Variants in ARHGAP15 observed in about 807,000 individuals in gnomAD.
The protein encoded by ARHGAP15 is rho GTPase-activating protein 15.
In ARHGAP15, 51 loss-of-function variants were observed where a neutral mutation model predicts 63.7. The observed-to-expected ratio is 0.80, with a 90% CI of 0.64 to 1.01. ARHGAP15 has a LOEUF of 1.01. ARHGAP15 is among the 50% of genes least tolerant of loss of function. The pLI, the probability that ARHGAP15 is intolerant of heterozygous loss-of-function variation, is 0.00. For synonymous variants in ARHGAP15, 191 were observed against 193.8 expected, an observed-to-expected ratio of 0.99 and a Z score of 0.12; for missense variants, 560 against 564.6, an observed-to-expected ratio of 0.99 and a Z score of 0.08.
chr2:143,637,804 G>GA (rs1346073362), intron 12 of ARHGAP15, among the ~76,000 whole-genome samples: 1 of 150,310 alleles, frequency 6.7e-6, no homozygotes, highest in Non-Finnish European at 1.5e-5. Flanking sequence ...AAATCTACAT[G>GA]AAAAAAACAA....
In ARHGAP15 at chr2:143,585,786, GTTA is replaced by G. The variant is rs542359323; in HGVS notation, c.1003+29303_1003+29305del. ...TATTTAGGATTTTATTATTGAAAAT[GTTA>G]TATTATTTACATTTATAAGTATATC... On this transcript the variant is annotated intron_variant, in intron 11 of 13. Coordinates refer to ENST00000295095, the MANE Select transcript of ARHGAP15 (RefSeq NM_018460.4). 1.8e-4 allele frequency among the ~76,000 whole-genome samples: 27 copies of G among 152,172 alleles called. No homozygotes were observed. In the South Asian group the frequency reaches 5.6e-3, roughly 32 times the overall value.
intron 11 of ARHGAP15, among the ~76,000 whole-genome samples, chr2:143,576,137 G>T (rs142057149): frequency 6.6e-6 from 1 of 152,060 alleles, no homozygotes; most frequent in Non-Finnish European, 1.5e-5. Flanking sequence ...ATTTAACTAC[G>T]TTTAAAATAC....
chr2:143,629,537 A>G (rs1698981716), intron 12 of ARHGAP15, among the ~76,000 whole-genome samples: 1 of 152,156 alleles, frequency 6.6e-6, no homozygotes, highest in African/African-American at 2.4e-5. Flanking sequence ...AGGGGTCCAG[A>G]CATTTCCAGT....
chr2:143,385,485 T>C (rs1324811270), intron 6 of ARHGAP15, among the ~76,000 whole-genome samples: 2 of 152,156 alleles, frequency 1.3e-5, no homozygotes, highest in Non-Finnish European at 2.9e-5. Flanking sequence ...AAAGCCTTTT[T>C]TTCTGGACAC....
Position 143,250,501 on chromosome 2 carries a change from G to A in ARHGAP15, c.385-10G>A, listed in dbSNP as rs756997046. The A allele has an allele frequency of 7.5e-6, 12 of 1,609,838 alleles. No homozygotes were observed. The highest frequency in any genetic ancestry group is 1.3e-5 in the African/African-American group (1 of 74,756). Reference sequence around the variant, plus strand: ...ATCCTCTTATTCTTACTTCATTTTTGTGATTACAGAAAACTGGGCACAAAC... The same window carrying A: ...ATCCTCTTATTCTTACTTCATTTTTATGATTACAGAAAACTGGGCACAAAC... On this transcript the variant is annotated splice_polypyrimidine_tract_variant and intron_variant, in intron 5 of 13. Coordinates refer to ENST00000295095, the MANE Select transcript of ARHGAP15 (RefSeq NM_018460.4).
At chr2:143,652,863 CAAT>C (rs1027588529) in intron 12 of ARHGAP15, among the ~76,000 whole-genome samples, 2 of 152,026 alleles carry the variant, frequency 1.3e-5, no homozygotes, top group African/African-American at 4.8e-5. Context: ...TGGATTAAGA[CAAT>C]AATATTTTTT....
intron 9 of ARHGAP15, among the ~76,000 whole-genome samples, chr2:143,496,039 C>T (rs903362114): frequency 2.0e-5 from 3 of 152,108 alleles, no homozygotes; most frequent in Non-Finnish European, 2.9e-5. Context: ...GTGATCTTTA[C>T]GTGTGCGCTG....
intron 13 of ARHGAP15, among the ~76,000 whole-genome samples, chr2:143,713,141 C>A (rs558990832): frequency 6.6e-6 from 1 of 152,150 alleles, no homozygotes; most frequent in Non-Finnish European, 1.5e-5. Flanking sequence ...TAAAGACATA[C>A]CCAAGGCTGG....
chr2:143,334,573 A>G (rs1684691088), intron 6 of ARHGAP15, among the ~76,000 whole-genome samples: 2 of 152,216 alleles, frequency 1.3e-5, no homozygotes, highest in Admixed American at 6.5e-5. Context: ...AAACTTTAAT[A>G]ATAGTGTGGG....
rs772728187 is a variant in ARHGAP15 at position 143,768,014 on chromosome 2, C to T, written c.1270C>T (p.Leu424Phe). ...TKIVAKASKN[L>F]MSTQSLGIVF... is the part of the protein sequence containing the mutation. ...GATAGTGGCCAAAGCCTCCAAGAACCTCATGTCCACGCAAAGCTTGGGGAT... is the reference window on the plus strand; with the variant it reads ...GATAGTGGCCAAAGCCTCCAAGAACTTCATGTCCACGCAAAGCTTGGGGAT... The change falls in exon 14 of 14, where the codon CTC becomes TTC. Residue 424 changes from leucine to phenylalanine, a missense_variant. Coordinates refer to ENST00000295095, the MANE Select transcript of ARHGAP15 (RefSeq NM_018460.4). 21 of 1,613,420 alleles carry T rather than the reference C, an allele frequency of 1.3e-5. No homozygotes were observed. The highest frequency in any genetic ancestry group is 1.8e-5 in the Non-Finnish European group (21 of 1,179,706).
intron 9 of ARHGAP15, among the ~76,000 whole-genome samples, chr2:143,503,079 G>A (rs770653429): frequency 3.9e-5 from 6 of 152,180 alleles, no homozygotes; most frequent in South Asian, 2.1e-4. Flanking sequence ...TGGGGAAAGC[G>A]TTAGCCTTTT....
intron 6 of ARHGAP15, among the ~76,000 whole-genome samples, chr2:143,425,589 A>G (rs1432838318): frequency 6.6e-6 from 1 of 152,090 alleles, no homozygotes; most frequent in Admixed American, 6.6e-5. Flanking sequence ...TTTGGTTTAA[A>G]GATAACCCTT....
chr2:143,492,573 G>A (rs1692631037), intron 9 of ARHGAP15, among the ~76,000 whole-genome samples: 1 of 148,140 alleles, frequency 6.8e-6, no homozygotes, highest in Non-Finnish European at 1.5e-5. Context: ...GCCTGGGCAC[G>A]ATAAAGAGAC....
intron 8 of ARHGAP15, among the ~76,000 whole-genome samples, chr2:143,459,242 C>T (rs1460959618): frequency 6.6e-6 from 1 of 151,602 alleles, no homozygotes; most frequent in Non-Finnish European, 1.5e-5. Context: ...AAAAGAGTTG[C>T]AAAGATTTGT....
At position 143,495,896 on chromosome 2, in the gene ARHGAP15, A is replaced by T. The variant is rs527428255; in HGVS notation, c.826+8401A>T. Among the ~76,000 whole-genome samples the T allele has an allele frequency of 5.9e-5, 9 of 152,348 alleles. No individual in the cohort carries two copies. In the South Asian group the frequency reaches 1.9e-3, roughly 32 times the overall value. On this transcript the variant is annotated intron_variant, in intron 9 of 13. Coordinates refer to ENST00000295095, the MANE Select transcript of ARHGAP15 (RefSeq NM_018460.4). ...TGAGAATAATTATACTTGAATTTAT[A>T]TACTAGGGCATGGGTCTATCATTGC...
intron 1 of ARHGAP15, among the ~76,000 whole-genome samples, chr2:143,138,103 G>T (rs1689217548): frequency 6.6e-6 from 1 of 152,064 alleles, no homozygotes; most frequent in Admixed American, 6.6e-5. Flanking sequence ...AGTTGCTTGA[G>T]AAATTCATCA....
intron 3 of ARHGAP15, among the ~76,000 whole-genome samples, chr2:143,205,906 C>G (rs577062041): frequency 1.3e-4 from 20 of 152,152 alleles, no homozygotes; most frequent in Middle Eastern, 6.8e-3. Flanking sequence ...ATGCTTCTGA[C>G]CTTATCATAC....
In ARHGAP15 at chr2:143,320,477, T is replaced by A. The variant is rs560343043; in HGVS notation, c.474+69877T>A. Among the ~76,000 whole-genome samples, 455 of 129,596 alleles carry A rather than the reference T, an allele frequency of 3.5e-3. 1 individual carries two copies. The highest frequency in any genetic ancestry group is 9.9e-3 in the Middle Eastern group (2 of 202). 85.0% of individuals were successfully genotyped at this position (129,596 alleles called of 152,430 possible). The stretch of plus-strand genomic sequence containing the variant: ...CAGCATTCACCCAGGGCCCAGAAAT[T>A]TGGGGCAAACATATGCTGCAAGTCA... On this transcript the variant is annotated intron_variant, in intron 6 of 13. Coordinates refer to ENST00000295095, the MANE Select transcript of ARHGAP15 (RefSeq NM_018460.4).
At chr2:143,335,153 A>G (rs1574293716) in intron 6 of ARHGAP15, among the ~76,000 whole-genome samples, 1 of 152,332 alleles carries the variant, frequency 6.6e-6, no homozygotes, top group Middle Eastern at 3.4e-3. Context: ...CTGATCATGG[A>G]CACTTTTATT....
Sources: allele counts gnomAD v4.1 joint callset (sites outside exome capture counted in the v4.1 genomes callset), GRCh38; gene constraint gnomAD v4.1.1; transcripts MANE v1.5; gene names NCBI Gene and HGNC (gene_info 2026-07-23, HGNC 2026-07-21).